The following MFSD12 variants were observed in gnomAD, a reference collection of about 807,000 sequenced individuals.
The protein encoded by MFSD12 is major facilitator superfamily domain containing 12.
In MFSD12, 67 loss-of-function variants were observed where a neutral mutation model predicts 51.2. That is an observed-to-expected ratio of 1.31 (90% CI 1.08 to 1.60). The LOEUF (loss-of-function observed/expected upper bound fraction) is 1.60, where lower values mean the gene tolerates loss of function less well. MFSD12 is among the 40% of genes most tolerant of loss of function. The pLI is 0.00. For synonymous variants in MFSD12, 441 were observed against 316.7 expected, an observed-to-expected ratio of 1.39 and a Z score of -4.17; for missense variants, 921 against 673.0, an observed-to-expected ratio of 1.37 and a Z score of -4.08.
chr19:3,545,931 C>T, intron 8 of MFSD12, 143 bp downstream of exon 8: 1 of 789,986 alleles, frequency 1.3e-6, no homozygotes, highest in Non-Finnish European at 2.1e-6. Flanking sequence ...AAGGAAAGGT[C>T]TCCCCTGCCT....
At position 3,557,329 on chromosome 19, in the gene MFSD12, G is replaced by A; in HGVS notation, c.75C>T (p.Tyr25=). ...GGTCGTTGAGGAAGTGGCCCACGGCGTAGCTCAGCCGCGCCACCAGGGACA... is the reference window on the plus strand; with the variant it reads ...GGTCGTTGAGGAAGTGGCCCACGGCATAGCTCAGCCGCGCCACCAGGGACA... The part of the protein sequence containing the change: ...RPLSLVARLS[Y]AVGHFLNDLC... The change falls in exon 1 of 10, where the codon TAC becomes TAT. Residue 25 remains tyrosine (Y), a synonymous_variant. Coordinates refer to ENST00000355415, the MANE Select transcript of MFSD12 (RefSeq NM_174983.5). 1.3e-6 allele frequency: 2 copies of A among 1,564,314 alleles called. No individual in the cohort carries two copies. Among genetic ancestry groups the A allele is most frequent in the South Asian group, 1.2e-5 (1 of 85,086 alleles).
Position 3,544,814 on chromosome 19 carries a change from C to G in MFSD12, c.1415G>C (p.Arg472Pro), listed in dbSNP as rs200371465. The G allele has an allele frequency of 8.7e-6, 14 of 1,612,220 alleles. No individual in the cohort carries two copies. The highest frequency in any genetic ancestry group is 1.2e-5 in the Non-Finnish European group (14 of 1,179,328). The change falls in exon 9 of 10, where the codon CGA (arginine) becomes CCA (proline). Residue 472 changes from arginine to proline, a missense_variant. Coordinates refer to ENST00000355415, the MANE Select transcript of MFSD12 (RefSeq NM_174983.5). ...AGGGGTGGGCCAGGACTCACAGCGT[C>G]GCAGGCGGGTCGGCCACAGCAGGAG... ...CSLLLWPTRLRRWDRDARP is the reference protein window; with the variant it reads ...CSLLLWPTRLPRWDRDARP
downstream of MFSD12, among the ~76,000 whole-genome samples, chr19:3,541,137 C>A (rs143688805): frequency 7.0e-6 from 1 of 143,392 alleles, no homozygotes; most frequent in Admixed American, 7.0e-5. Flanking sequence ...CCACTGCACT[C>A]CAGCCTGGGT....
At chr19:3,541,598 G>A (rs939917996), downstream of MFSD12, 1 of 975,264 alleles carries the variant, frequency 1.0e-6, no homozygotes, top group Non-Finnish European at 1.2e-6. Flanking sequence ...TGGGATTACA[G>A]GCATGAGCCA....
intron 6 of MFSD12, among the ~76,000 whole-genome samples, chr19:3,546,855 CAA>C (rs1250795327): frequency 1.3e-5 from 2 of 151,936 alleles, no homozygotes; most frequent in Admixed American, 6.6e-5. Context: ...TTTCTGGAGA[CAA>C]GAGTCTCGCT....
downstream of MFSD12, chr19:3,543,788 G>A (rs1179860594): frequency 1.6e-5 from 24 of 1,495,490 alleles, no homozygotes; most frequent in African/African-American, 7.0e-5. Context: ...GGCCAACGGC[G>A]AGGAGGTGGG....
chr19:3,546,079 A>C lies in MFSD12; in HGVS notation c.1284T>G (p.Pro428=). The stretch of plus-strand genomic sequence containing the variant: ...GAACGAACAGCGGCACTCACGGGCA[A>C]GGGTGCAGGCTCTGGATGGCCATGA... ...LAVMAIQSLH[P]CPSELCCRAC... is the part of the protein sequence containing the mutation. The change falls in exon 8 of 10, where the codon CCT becomes CCG. Residue 428 remains proline (P), a synonymous_variant. Transcript: ENST00000355415. 6.2e-7 allele frequency: 1 copy of C among 1,613,312 alleles called. No individual in the cohort carries two copies. The highest frequency in any genetic ancestry group is 8.5e-7 in the Non-Finnish European group (1 of 1,179,890).
rs1230807887 is a variant in MFSD12, at chr19:3,547,324, C to T, written c.971G>A (p.Gly324Asp). 3.1e-6 allele frequency: 5 copies of T among 1,613,398 alleles called. No individual in the cohort carries two copies. The highest frequency in any genetic ancestry group is 4.2e-6 in the Non-Finnish European group (5 of 1,179,966). Residue 324 changes from glycine (G) to aspartate (D), a missense_variant, in exon 6 of 10, where the codon GGC becomes GAC. Gly to Asp is a moderately conservative substitution (Grantham distance 94). Coordinates refer to ENST00000355415, the MANE Select transcript of MFSD12 (RefSeq NM_174983.5). ...CTTCATGAGGAAGGAGGACAAGAAG[C>T]CGCTGAGGTACATCACCAGGGGAAT... is the stretch of plus-strand genomic sequence containing the variant. Reference protein sequence around the residue: ...ATIPLVMYLSGFLSSFLMKPI... With the variant: ...ATIPLVMYLSDFLSSFLMKPI...
Position 3,546,062 on chromosome 19 carries a change from A to T in MFSD12, c.1289+12T>A. On this transcript the variant is annotated intron_variant, in intron 8 of 9. Coordinates refer to ENST00000355415, the MANE Select transcript of MFSD12 (RefSeq NM_174983.5). ...TGAACAAAAGAATGAATGAACGAAC[A>T]GCGGCACTCACGGGCAAGGGTGCAG... is the stretch of plus-strand genomic sequence containing the variant. 6.2e-7 allele frequency: 1 copy of T among 1,612,712 alleles called. No homozygotes were observed. Among genetic ancestry groups the T allele is most frequent in the Non-Finnish European group, 8.5e-7 (1 of 1,179,438 alleles).
rs2031801212 is a variant in MFSD12 at position 3,557,551 on chromosome 19, C to G, written c.-148G>C. ...CGCTCTCTTACGGCCGCGCCCTCAC[C>G]CACGTCCGCCGCGTCCGCCCCACGC... On this transcript the variant is annotated 5_prime_UTR_variant, in exon 1 of 10. Coordinates refer to ENST00000355415, the MANE Select transcript of MFSD12 (RefSeq NM_174983.5). The G allele has an allele frequency of 2.9e-6, 1 of 348,308 alleles. No individual in the cohort carries two copies. The highest frequency in any genetic ancestry group is 5.5e-5 in the Admixed American group (1 of 18,218). The allele number at this position is 348,308 out of a possible 1,614,324, so 21.6% of individuals were successfully genotyped here. A position where few individuals can be genotyped will look rare whatever the true frequency, so the allele number is the denominator to read the frequency against.
downstream of MFSD12, chr19:3,543,207 TCA>T (rs1041942873): frequency 1.3e-6 from 2 of 1,535,276 alleles, no homozygotes; most frequent in African/African-American, 1.4e-5. Context: ...AGACATGGGC[TCA>T]GTCTCTGCCC....
At chr19:3,543,485 C>CA, downstream of MFSD12, 1 of 1,516,576 alleles carries the variant, frequency 6.6e-7, no homozygotes, top group Non-Finnish European at 8.8e-7. Flanking sequence ...TGAGTGCCCC[C>CA]CCCCCCGCCC....
chr19:3,544,810 GCGTC>G lies in MFSD12; in HGVS notation c.1415_1418del (p.Arg472ProfsTer11), dbSNP rs2030819072. On this transcript the variant is annotated frameshift_variant and splice_region_variant, in exon 9 of 10. Transcript: ENST00000355415. LOFTEE classifies it high-confidence loss of function. ...AGGGAGGGGTGGGCCAGGACTCACA[GCGTC>G]GCAGGCGGGTCGGCCACAGCAGGAG... 5.0e-6 allele frequency: 8 copies of G among 1,612,142 alleles called. No individual in the cohort carries two copies. The highest frequency in any genetic ancestry group is 1.3e-5 in the African/African-American group (1 of 74,886).
intron 8 of MFSD12, among the ~76,000 whole-genome samples, chr19:3,545,843 T>C (rs183955366): frequency 6.6e-6 from 1 of 152,306 alleles, no homozygotes; most frequent in African/African-American, 2.4e-5. Flanking sequence ...CCCCGATATA[T>C]TTCTGTACGG....
At chr19:3,554,627 C>T (rs2031645274) in intron 1 of MFSD12, among the ~76,000 whole-genome samples, 1 of 152,176 alleles carries the variant, frequency 6.6e-6, no homozygotes, top group Non-Finnish European at 1.5e-5. Flanking sequence ...GAATGCGCCC[C>T]TCCACACACT....
At chr19:3,548,743 A>G (rs2031278117) in intron 2 of MFSD12, among the ~76,000 whole-genome samples, 1 of 152,154 alleles carries the variant, frequency 6.6e-6, no homozygotes, top group Non-Finnish European at 1.5e-5. Flanking sequence ...AGCGGGAACC[A>G]TGCCACCTCC....
chr19:3,550,731 T>C (rs1409517833), intron 2 of MFSD12, among the ~76,000 whole-genome samples: 1 of 152,018 alleles, frequency 6.6e-6, no homozygotes. Context: ...CATACTCCTG[T>C]AGTCCCAGCT....
chr19:3,545,960 G>A (rs1174519003), intron 8 of MFSD12, 114 bp downstream of exon 8: 8 of 1,048,552 alleles, frequency 7.6e-6, no homozygotes, highest in Non-Finnish European at 4.4e-6. Context: ...CATTGGGGCA[G>A]GTGTCTTTGG....
At chr19:3,554,419 A>T (rs539492377) in intron 1 of MFSD12, among the ~76,000 whole-genome samples, 1 of 150,958 alleles carries the variant, frequency 6.6e-6, no homozygotes, top group Non-Finnish European at 1.5e-5. Context: ...CCTGAGCGAC[A>T]GAGTGAGACT....
Sources: gnomAD v4.1 joint callset for allele counts (sites outside exome capture counted in the v4.1 genomes callset) on GRCh38, gnomAD v4.1.1 for gene constraint, MANE v1.5 for transcripts, NCBI Gene and HGNC (gene_info 2026-07-23, HGNC 2026-07-21) for gene names.